Variants in MAPK14 observed in about 807,000 individuals in gnomAD.
MAPK14 encodes the protein mitogen-activated protein kinase 14, also known as CSAID-binding protein.
A neutral mutation model predicts 49.6 loss-of-function variants in MAPK14; 16 were observed. The ratio of observed to expected loss-of-function variants is 0.32; its 90% CI spans 0.22 to 0.49. MAPK14 has a LOEUF of 0.49. MAPK14 is among the 20% of genes least tolerant of loss of function. MAPK14 has a pLI of 0.99. For synonymous variants in MAPK14, 142 were observed against 158.0 expected (o/e 0.90, Z 0.76); for missense variants, 200 against 441.2 (o/e 0.45, Z 4.90).
At chr6:36,092,693 CA>C in intron 8 of MAPK14, 1 of 332,492 alleles carries the variant, frequency 3.0e-6, no homozygotes. Flanking sequence ...AGTTCACCTC[CA>C]AAGTGTAGGG....
At chr6:36,044,561 A>G (rs938697464) in intron 1 of MAPK14, among the ~76,000 whole-genome samples, 2 of 152,188 alleles carry the variant, frequency 1.3e-5, no homozygotes, top group African/African-American at 2.4e-5. Flanking sequence ...CAAGTTCCCT[A>G]TATCTCTATA....
the MAPK14 span, among the ~76,000 whole-genome samples, chr6:36,124,174 T>TCCTTCCTTCCTG: frequency 7.7e-6 from 1 of 130,110 alleles, no homozygotes; most frequent in African/African-American, 2.8e-5. Context: ...CTTCCTTCCT[T>TCCTTCCTTCCTG]CCTGCCTTCC....
At chr6:36,029,208 A>T (rs1762437810) in intron 1 of MAPK14, 1 of 152,190 alleles carries the variant, frequency 6.6e-6, no homozygotes. Flanking sequence ...CTGTGTTTTA[A>T]AAGTCCCTTA....
In MAPK14 at chr6:36,096,015, A is replaced by G. The variant is rs1050577; in HGVS notation, c.711A>G (p.Arg237=). 1.9e-5 allele frequency: 30 copies of G among 1,610,654 alleles called. No individual in the cohort carries two copies. Among genetic ancestry groups the G allele is most frequent in the Non-Finnish European group, 2.5e-5 (29 of 1,178,400 alleles). Residue 237 remains arginine (R), a synonymous_variant, in exon 9 of 12, where the codon AGA becomes AGG. Transcript: ENST00000229794. ...DHIDQLKLIL[R]LVGTPGAELL... is the part of the protein sequence containing the mutation. ...TTGATCAGTTGAAGCTCATTTTAAG[A>G]CTCGTTGGAACCCCAGGGGCTGAGC...
At chr6:36,029,317 A>T in intron 1 of MAPK14, among the ~76,000 whole-genome samples, 1 of 152,154 alleles carries the variant, frequency 6.6e-6, no homozygotes, top group Non-Finnish European at 1.5e-5. Flanking sequence ...GGAAGGGAAG[A>T]GATACTTTTT....
chr6:36,084,038 C>G (rs1020367730), intron 8 of MAPK14, among the ~76,000 whole-genome samples: 1 of 152,210 alleles, frequency 6.6e-6, no homozygotes, highest in African/African-American at 2.4e-5. Flanking sequence ...CTGGTGACAC[C>G]TCCAGGTACA....
chr6:36,104,305 T>C (rs1765733464), intron 10 of MAPK14, among the ~76,000 whole-genome samples: 1 of 152,174 alleles, frequency 6.6e-6, no homozygotes, highest in Non-Finnish European at 1.5e-5. Context: ...TTATTTGAGC[T>C]GTATTATCTA....
chr6:36,116,127 A>G (rs763902614), downstream of MAPK14, among the ~76,000 whole-genome samples: 3 of 152,024 alleles, frequency 2.0e-5, no homozygotes, highest in Non-Finnish European at 2.9e-5. Flanking sequence ...TAAAAAGTAA[A>G]TTCTCAGGCA....
At chr6:36,075,785 G>GA (rs1554182687) in intron 6 of MAPK14, 63 bp from the exon 7 acceptor site, 8 of 1,580,530 alleles carry the variant, frequency 5.1e-6, no homozygotes, top group Non-Finnish European at 6.9e-6. Context: ...TTGTTGTTTT[G>GA]TTTTTTTTTC....
intron 1 of MAPK14, among the ~76,000 whole-genome samples, chr6:36,042,476 C>CTTTTTTT (rs113286534): frequency 3.9e-5 from 4 of 102,678 alleles, no homozygotes; most frequent in Admixed American, 1.2e-4. Flanking sequence ...GAAGGAATAT[C>CTTTTTTT]TTTTTTTTTT....
chr6:36,028,658 C>T lies in MAPK14; in HGVS notation c.116+385C>T, dbSNP rs1172337512. Among the ~76,000 whole-genome samples, 1 of 152,190 alleles carries T rather than the reference C, an allele frequency of 6.6e-6. No individual in the cohort carries two copies. The highest frequency in any genetic ancestry group is 1.9e-4 in the East Asian group (1 of 5,190). The stretch of plus-strand genomic sequence containing the variant: ...GACCCTCTCCCGTGATGCGCCCACG[C>T]TGGGGCTCCGGACCCTGGGTCCTCT... On this transcript the variant is annotated intron_variant, in intron 1 of 11. Transcript: ENST00000229794. This position sits in a 1 kb window ranked among gnomAD's most constrained non-coding sequence, Gnocchi z 5.1.
intron 8 of MAPK14, among the ~76,000 whole-genome samples, chr6:36,085,343 T>C (rs1764936218): frequency 6.6e-6 from 1 of 152,182 alleles, no homozygotes; most frequent in Non-Finnish European, 1.5e-5. Flanking sequence ...GTAAGTGGGC[T>C]AAATGCCCCA....
chr6:36,073,671 G>T lies in MAPK14; in HGVS notation c.418-20G>T, dbSNP rs377018110. The T allele has an allele frequency of 3.1e-6, 5 of 1,607,314 alleles. No homozygotes were observed. The highest frequency in any genetic ancestry group is 4.3e-6 in the Non-Finnish European group (5 of 1,176,058). ...ACAATAGAAGGTTGGAGGTAACTTTGACTTTTTTCTCTTTTGCAGTATATA... is the reference window on the plus strand; with the variant it reads ...ACAATAGAAGGTTGGAGGTAACTTTTACTTTTTTCTCTTTTGCAGTATATA... On this transcript the variant is annotated intron_variant, in intron 4 of 11. Transcript: ENST00000229794.
At chr6:36,099,037 C>A (rs914095230) in intron 9 of MAPK14, among the ~76,000 whole-genome samples, 9 of 152,198 alleles carry the variant, frequency 5.9e-5, no homozygotes, top group African/African-American at 1.9e-4. Context: ...TAGCTCCCTC[C>A]CTGTGGCCAG....
downstream of MAPK14, among the ~76,000 whole-genome samples, chr6:36,112,654 T>A (rs1468594201): frequency 6.6e-6 from 1 of 152,236 alleles, no homozygotes; most frequent in East Asian, 1.9e-4. Flanking sequence ...ATATTCACAT[T>A]CTTTTTTATA....
chr6:36,093,872 G>A (rs986518464), intron 8 of MAPK14, among the ~76,000 whole-genome samples: 2 of 152,124 alleles, frequency 1.3e-5, no homozygotes, highest in African/African-American at 4.8e-5. Context: ...ATTTGAAGTA[G>A]TCAAGATTTT....
At chr6:36,073,181 T>G (rs1764378364) in intron 4 of MAPK14, 197 bp downstream of exon 4, 7 of 563,888 alleles carry the variant, frequency 1.2e-5, no homozygotes, top group Non-Finnish European at 1.3e-5. Context: ...CAATCATGTT[T>G]CTTTTGTATT....
At chr6:36,081,889 C>T (rs1581808358) in intron 8 of MAPK14, among the ~76,000 whole-genome samples, 1 of 151,810 alleles carries the variant, frequency 6.6e-6, no homozygotes, top group East Asian at 1.9e-4. Flanking sequence ...GGATCTCTTT[C>T]CATTTATTTA....
intron 3 of MAPK14, among the ~76,000 whole-genome samples, chr6:36,063,937 A>T (rs1763933032): frequency 6.6e-6 from 1 of 152,208 alleles, no homozygotes; most frequent in Non-Finnish European, 1.5e-5. Context: ...AAGATACTGC[A>T]TGCATATATA....
Sources: allele counts gnomAD v4.1 joint callset (sites outside exome capture counted in the v4.1 genomes callset), GRCh38; gene constraint gnomAD v4.1.1; non-coding constraint Gnocchi (gnomAD v3.1); transcripts MANE v1.5; gene names NCBI Gene and HGNC (gene_info 2026-07-23, HGNC 2026-07-21).